RB1CC1: variants seen among roughly 807,000 people sequenced by gnomAD.
The protein encoded by RB1CC1 is RB1-inducible coiled-coil protein 1.
In RB1CC1, 46 loss-of-function variants were observed where a neutral mutation model predicts 177.5. The ratio of observed to expected loss-of-function variants is 0.26; its 90% confidence interval spans 0.20 to 0.33. The LOEUF (loss-of-function observed/expected upper bound fraction) is 0.33, where lower values mean the gene tolerates loss of function less well. Among genes scored for constraint, RB1CC1 ranks in the 10% least tolerant of loss-of-function variants. The pLI, the probability that RB1CC1 is intolerant of heterozygous loss-of-function variation, is 1.00. For synonymous variants in RB1CC1, 666 were observed against 613.6 expected (o/e 1.09, Z -1.26); for missense variants, 1,703 against 1,816.3 (o/e 0.94, Z 1.13).
intron 1 of RB1CC1, among the ~76,000 whole-genome samples, chr8:52,711,747 T>C (rs986303305): frequency 6.6e-6 from 1 of 152,242 alleles, no homozygotes; most frequent in Admixed American, 6.5e-5. Flanking sequence ...CTTCCAAACC[T>C]GAATATGTAG....
Position 52,657,089 on chromosome 8 carries a change from C to T in RB1CC1, c.2740G>A (p.Ala914Thr). The change falls in exon 15 of 24, where the codon GCT (alanine) becomes ACT (threonine). Residue 914 changes from alanine (A) to threonine (T), a missense_variant. Transcript: ENST00000025008. ...GCTTCTTTTTCATGTTTAACCAAAG[C>T]AAATTCATTATCTTTATTTTGTAAA... ...EVLQNKDNEF[A>T]LVKHEKEAVI... The T allele has an allele frequency of 6.2e-7, 1 of 1,610,702 alleles. No individual in the cohort carries two copies. Among genetic ancestry groups the T allele is most frequent in the Non-Finnish European group, 8.5e-7 (1 of 1,178,968 alleles).
chr8:52,654,380 G>T (rs1850893409), intron 15 of RB1CC1, among the ~76,000 whole-genome samples: 1 of 152,180 alleles, frequency 6.6e-6, no homozygotes, highest in South Asian at 2.1e-4. Context: ...CAAGGTTTTG[G>T]AAGGCAGAAA....
chr8:52,642,921 T>A (rs2150413319), intron 16 of RB1CC1, 109 bp from the exon 17 acceptor site: 1 of 1,144,036 alleles, frequency 8.7e-7, no homozygotes, highest in African/African-American at 1.6e-5. Context: ...TACATGGAGA[T>A]GATGGGGTAT....
At chr8:52,625,756 ATGGT>A (rs1248999553) in intron 22 of RB1CC1, among the ~76,000 whole-genome samples, 1 of 152,168 alleles carries the variant, frequency 6.6e-6, no homozygotes, top group African/African-American at 2.4e-5. Context: ...GAAAAACAGA[ATGGT>A]TGTGTGGATA....
intron 1 of RB1CC1, among the ~76,000 whole-genome samples, chr8:52,711,095 A>G (rs1245490115): frequency 1.3e-5 from 2 of 152,208 alleles, no homozygotes; most frequent in Admixed American, 1.3e-4. Context: ...ACTAACGGGT[A>G]GAAAAAAATC....
At chr8:52,624,062 T>C (rs996886888) in intron 23 of RB1CC1, among the ~76,000 whole-genome samples, 8 of 151,876 alleles carry the variant, frequency 5.3e-5, no homozygotes, top group Non-Finnish European at 7.4e-5. Context: ...CTATGTAAGA[T>C]CTACCCCTCA....
rs530527844 is a variant in RB1CC1, at chr8:52,660,326, C to CA, written c.1689+269dup. Among the ~76,000 whole-genome samples the CA allele has an allele frequency of 3.8e-3, 583 of 151,972 alleles. 4 individuals carry two copies. The highest frequency in any genetic ancestry group is 0.012 in the African/African-American group (511 of 41,476). On this transcript the variant is annotated intron_variant, in intron 12 of 23. Coordinates refer to ENST00000025008, the MANE Select transcript of RB1CC1 (RefSeq NM_014781.5). ...AGAAAAAAAGGAAGAGACAAGAAAA[C>CA]AAAAAAACCAAGTGAATCTATTTCT...
intron 1 of RB1CC1, among the ~76,000 whole-genome samples, chr8:52,688,224 C>G (rs1234751404): frequency 6.6e-6 from 1 of 152,082 alleles, no homozygotes; most frequent in Non-Finnish European, 1.5e-5. Context: ...GGAAGACAAC[C>G]ATAAGGTCTG....
At chr8:52,696,078 CTT>C (rs1305550421) in intron 1 of RB1CC1, among the ~76,000 whole-genome samples, 1 of 152,144 alleles carries the variant, frequency 6.6e-6, no homozygotes, top group Admixed American at 6.5e-5. Flanking sequence ...GAGTCTTGCT[CTT>C]GTCGCCCAGA....
intron 1 of RB1CC1, among the ~76,000 whole-genome samples, chr8:52,710,743 G>T (rs927092688): frequency 6.6e-6 from 1 of 151,868 alleles, no homozygotes; most frequent in African/African-American, 2.4e-5. Flanking sequence ...ATATAAGACA[G>T]GGAAAATGGG....
chr8:52,646,402 G>A (rs1303391981), intron 15 of RB1CC1, among the ~76,000 whole-genome samples: 1 of 152,066 alleles, frequency 6.6e-6, no homozygotes. Flanking sequence ...TCCTGCCTGG[G>A]CAACATAAGG....
chr8:52,669,963 TTTA>T (rs1852413037), intron 7 of RB1CC1, among the ~76,000 whole-genome samples: 5 of 105,018 alleles, frequency 4.8e-5, no homozygotes, highest in Non-Finnish European at 6.3e-5. Context: ...CTAAAAAAAA[TTTA>T]TTTTTGAGCC....
At chr8:52,681,732 A>T (rs893828217) in intron 5 of RB1CC1, among the ~76,000 whole-genome samples, 2 of 152,204 alleles carry the variant, frequency 1.3e-5, no homozygotes, top group Non-Finnish European at 1.5e-5. Context: ...GGAGTTTGAG[A>T]CCAACCTCGG....
At chr8:52,711,438 C>G (rs961865781) in intron 1 of RB1CC1, among the ~76,000 whole-genome samples, 8 of 152,194 alleles carry the variant, frequency 5.3e-5, no homozygotes, top group Admixed American at 2.0e-4. Flanking sequence ...ATACAATCGG[C>G]TTAGCTAGCC....
chr8:52,659,666 A>C (rs1415129553), intron 12 of RB1CC1, among the ~76,000 whole-genome samples: 1 of 152,250 alleles, frequency 6.6e-6, no homozygotes, highest in African/African-American at 2.4e-5. Flanking sequence ...GCATACATTT[A>C]AAACACTAAG....
Position 52,657,677 on chromosome 8 carries a change from A to T in RB1CC1, c.2152T>A (p.Ser718Thr), listed in dbSNP as rs775059081. 17 of 1,614,172 alleles carry T rather than the reference A, an allele frequency of 1.1e-5. No individual in the cohort carries two copies. The South Asian group carries it at 1.9e-4, about 18-fold the overall frequency. Residue 718 changes from serine (S) to threonine (T), a missense_variant, in exon 15 of 24, where the codon TCT becomes ACT. By Grantham distance (58) the Ser-to-Thr change is moderately conservative (BLOSUM62 1). Transcript: ENST00000025008. ...PNIEQTIHQV[S>T]LDLDSLAESP... ...TCTGCTAATGAATCCAAGTCTAAAGAAACTTGGTGAATAGTCTGTTCTATG... is the reference window on the plus strand; with the variant it reads ...TCTGCTAATGAATCCAAGTCTAAAGTAACTTGGTGAATAGTCTGTTCTATG...
At chr8:52,713,950 C>A in intron 1 of RB1CC1, 125 bp downstream of exon 1, 3 of 210,910 alleles carry the variant, frequency 1.4e-5, no homozygotes, top group South Asian at 1.3e-4. Context: ...CACACACCTG[C>A]GCGTGGGCCG....
chr8:52,712,535 G>C (rs1379532112), intron 1 of RB1CC1, among the ~76,000 whole-genome samples: 1 of 145,938 alleles, frequency 6.9e-6, no homozygotes, highest in Non-Finnish European at 1.5e-5. Context: ...CAAAAGTACC[G>C]CTTCATTGTC....
chr8:52,624,902 T>G (rs1848274852), intron 22 of RB1CC1, 115 bp from the exon 23 acceptor site: 2 of 711,094 alleles, frequency 2.8e-6, no homozygotes, highest in Admixed American at 7.1e-5. Flanking sequence ...GAAGAATATG[T>G]AAGACTTTAA....
Sources: gnomAD v4.1 joint callset for allele counts (sites outside exome capture counted in the v4.1 genomes callset) on GRCh38, gnomAD v4.1.1 for gene constraint, MANE v1.5 for transcripts, NCBI Gene and HGNC (gene_info 2026-07-23, HGNC 2026-07-21) for gene names.